The following LRMDA variants were observed in gnomAD, a reference collection of about 807,000 sequenced individuals.
LRMDA encodes leucine-rich melanocyte differentiation-associated protein.
A neutral mutation model predicts 29.8 loss-of-function variants in LRMDA; 18 were observed. The observed-to-expected ratio is 0.60, with a 90% CI of 0.42 to 0.90. The LOEUF (loss-of-function observed/expected upper bound fraction) is 0.90. Among genes scored for constraint, LRMDA ranks in the 40% least tolerant of loss-of-function variants. LRMDA has a pLI of 0.00. For synonymous variants in LRMDA, 125 were observed against 109.4 expected (o/e 1.14, Z -0.89); for missense variants, 273 against 273.9 (o/e 1.00, Z 0.02).
intron 2 of LRMDA, among the ~76,000 whole-genome samples, chr10:75,785,059 G>A (rs748276084): frequency 6.6e-6 from 1 of 152,206 alleles, no homozygotes; most frequent in Non-Finnish European, 1.5e-5. Context: ...GCATGGACGC[G>A]CAGGAGCCTC....
chr10:75,507,632 A>T (rs1184970772), intron 2 of LRMDA, among the ~76,000 whole-genome samples: 1 of 152,140 alleles, frequency 6.6e-6, no homozygotes, highest in Non-Finnish European at 1.5e-5. Context: ...CTATTCTGTC[A>T]CTTCTCTCTG....
intron 6 of LRMDA, among the ~76,000 whole-genome samples, chr10:76,381,021 CTT>C (rs538112084): frequency 2.1e-5 from 2 of 96,904 alleles, no homozygotes; most frequent in African/African-American, 3.5e-5. Context: ...TTTATCTTTG[CTT>C]TTTTTTTTTT....
At chr10:75,551,702 A>G (rs994285759) in intron 2 of LRMDA, among the ~76,000 whole-genome samples, 1 of 152,122 alleles carries the variant, frequency 6.6e-6, no homozygotes, top group African/African-American at 2.4e-5. Context: ...CATGGTGTAT[A>G]CGTGCCACAT....
At chr10:76,213,772 T>G (rs548799814) in intron 5 of LRMDA, among the ~76,000 whole-genome samples, 2 of 152,364 alleles carry the variant, frequency 1.3e-5, no homozygotes, top group South Asian at 2.1e-4. Context: ...AAAAGTTTTG[T>G]CCTTTAAAAT....
chr10:76,037,385 A>C (rs1294786665), intron 3 of LRMDA, among the ~76,000 whole-genome samples: 5 of 152,274 alleles, frequency 3.3e-5, no homozygotes, highest in African/African-American at 1.2e-4. Context: ...GTATAAAATA[A>C]AATCAGATAT....
At chr10:75,988,483 G>A (rs1401240037) in intron 2 of LRMDA, among the ~76,000 whole-genome samples, 3 of 151,652 alleles carry the variant, frequency 2.0e-5, no homozygotes, top group African/African-American at 7.3e-5. Context: ...GCCTCTCTAG[G>A]CTTAATTTTG....
At chr10:76,017,216 C>T (rs1012271454) in intron 2 of LRMDA, among the ~76,000 whole-genome samples, 4 of 152,122 alleles carry the variant, frequency 2.6e-5, no homozygotes, top group African/African-American at 9.7e-5. Context: ...GCAGATCCCG[C>T]GCGAAGGCCA....
At chr10:76,123,948 C>T (rs1406520547) in intron 5 of LRMDA, among the ~76,000 whole-genome samples, 1 of 152,166 alleles carries the variant, frequency 6.6e-6, no homozygotes, top group East Asian at 1.9e-4. Flanking sequence ...TTACTATTAC[C>T]AAAGAGGCAA....
At chr10:75,895,401 C>T (rs144713647) in intron 2 of LRMDA, among the ~76,000 whole-genome samples, 209 of 152,286 alleles carry the variant, frequency 1.4e-3, no homozygotes, top group African/African-American at 4.8e-3. Flanking sequence ...TTCACAAAAA[C>T]CCTGTGAAGT....
chr10:76,424,648 AAT>A (rs1276969358), intron 6 of LRMDA, among the ~76,000 whole-genome samples: 1 of 152,238 alleles, frequency 6.6e-6, no homozygotes, highest in Non-Finnish European at 1.5e-5. Context: ...TTTCTTATTT[AAT>A]TCATATGCTA....
intron 2 of LRMDA, among the ~76,000 whole-genome samples, chr10:75,857,909 C>G (rs1217072723): frequency 6.6e-6 from 1 of 152,212 alleles, no homozygotes; most frequent in Admixed American, 6.5e-5. Flanking sequence ...GTTTTACTGG[C>G]CCTACAGGGA....
chr10:75,822,365 A>G (rs567916031), intron 2 of LRMDA, among the ~76,000 whole-genome samples: 1 of 152,314 alleles, frequency 6.6e-6, no homozygotes, highest in Admixed American at 6.5e-5. Flanking sequence ...GGAAGAATCA[A>G]TATAATTAAA....
chr10:76,185,266 A>G (rs1375766733), intron 5 of LRMDA, among the ~76,000 whole-genome samples: 1 of 152,188 alleles, frequency 6.6e-6, no homozygotes, highest in African/African-American at 2.4e-5. Context: ...CTTCATGGCT[A>G]AACTTCCTGG....
chr10:76,277,351 G>C (rs1443093045), intron 5 of LRMDA, among the ~76,000 whole-genome samples: 1 of 152,138 alleles, frequency 6.6e-6, no homozygotes, highest in Admixed American at 6.5e-5. Context: ...CAGTATCCTT[G>C]TATTTTGTGC....
chr10:75,646,057 C>T (rs1841516456), intron 2 of LRMDA, among the ~76,000 whole-genome samples: 1 of 151,518 alleles, frequency 6.6e-6, no homozygotes, highest in Non-Finnish European at 1.5e-5. Context: ...TCCATCCTCA[C>T]CCCCATTCTT....
intron 6 of LRMDA, among the ~76,000 whole-genome samples, chr10:76,393,547 AT>A (rs1002447317): frequency 3.3e-5 from 5 of 152,004 alleles, no homozygotes; most frequent in African/African-American, 9.6e-5. Context: ...GTCCTTATAC[AT>A]TTTTTTATAT....
At chr10:76,108,517 C>A (rs1282956138) in intron 5 of LRMDA, among the ~76,000 whole-genome samples, 1 of 152,096 alleles carries the variant, frequency 6.6e-6, no homozygotes, top group Non-Finnish European at 1.5e-5. Flanking sequence ...AAGATAAACA[C>A]CCCTACACAC....
intron 5 of LRMDA, among the ~76,000 whole-genome samples, chr10:76,095,281 T>G (rs1031879683): frequency 6.6e-6 from 1 of 152,230 alleles, no homozygotes; most frequent in African/African-American, 2.4e-5. Flanking sequence ...GCATGTAAGA[T>G]CTATCTATAT....
intron 5 of LRMDA, among the ~76,000 whole-genome samples, chr10:76,180,939 G>A (rs1439419110): frequency 1.3e-5 from 2 of 152,166 alleles, no homozygotes; most frequent in African/African-American, 2.4e-5. Context: ...CAGGACACAA[G>A]GAGGTCTCAG....
Sources: allele counts gnomAD v4.1 joint callset (sites outside exome capture counted in the v4.1 genomes callset), GRCh38; gene constraint gnomAD v4.1.1; transcripts MANE v1.5; gene names NCBI Gene and HGNC (gene_info 2026-07-23, HGNC 2026-07-21).